IFT80: variants seen among roughly 807,000 people sequenced by gnomAD.
IFT80 encodes the protein intraflagellar transport 80, also known as intraflagellar transport protein 80 homolog.
Under a neutral mutation model 107.9 loss-of-function variants are expected in IFT80, and 79 were observed. That is an observed-to-expected ratio of 0.73 (90% CI 0.61 to 0.88). IFT80 has a LOEUF of 0.88. IFT80 is among the 40% of genes least tolerant of loss of function. IFT80 has a pLI of 0.00. For synonymous variants in IFT80, 299 were observed against 300.9 expected (o/e 0.99, Z 0.07); for missense variants, 797 against 914.2 (o/e 0.87, Z 1.65).
intron 13 of IFT80, among the ~76,000 whole-genome samples, chr3:160,283,353 CTT>C (rs1441657910): frequency 2.0e-5 from 3 of 152,168 alleles, no homozygotes; most frequent in Non-Finnish European, 2.9e-5. Flanking sequence ...TGTCTGAAGA[CTT>C]TGGTAGGAAT....
chr3:160,348,855 T>C (rs1434636493), intron 8 of IFT80, among the ~76,000 whole-genome samples: 1 of 152,186 alleles, frequency 6.6e-6, no homozygotes, highest in African/African-American at 2.4e-5. Context: ...TTCATTTATA[T>C]GAAATGTCCA....
intron 9 of IFT80, among the ~76,000 whole-genome samples, chr3:160,309,592 C>T (rs1358582336): frequency 1.3e-5 from 2 of 151,964 alleles, no homozygotes; most frequent in Non-Finnish European, 1.5e-5. Flanking sequence ...GAGGCTGAGG[C>T]AGGAGAATGG....
At chr3:160,294,645 T>C (rs1351046197) in intron 12 of IFT80, among the ~76,000 whole-genome samples, 1 of 152,226 alleles carries the variant, frequency 6.6e-6, no homozygotes, top group Non-Finnish European at 1.5e-5. Context: ...AATACGGTGT[T>C]ACAAATTTGT....
At chr3:160,320,767 A>G (rs1042376954) in intron 8 of IFT80, among the ~76,000 whole-genome samples, 1 of 151,648 alleles carries the variant, frequency 6.6e-6, no homozygotes, top group Non-Finnish European at 1.5e-5. Context: ...ATATATACAT[A>G]TATATATTTT....
chr3:160,364,933 A>C (rs940204267), intron 6 of IFT80, among the ~76,000 whole-genome samples: 1 of 151,916 alleles, frequency 6.6e-6, no homozygotes, highest in Non-Finnish European at 1.5e-5. Context: ...GCAAACCTAC[A>C]TGGCACATGT....
chr3:160,338,191 T>C (rs1719635445), intron 8 of IFT80, among the ~76,000 whole-genome samples: 2 of 152,116 alleles, frequency 1.3e-5, no homozygotes, highest in Admixed American at 6.6e-5. Flanking sequence ...AACTCAAATA[T>C]GAAGATAAGA....
At chr3:160,284,945 G>A (rs544858186) in intron 13 of IFT80, among the ~76,000 whole-genome samples, 258 of 152,250 alleles carry the variant, frequency 1.7e-3, no homozygotes, top group Non-Finnish European at 3.2e-3. Context: ...TGGTGGAGAG[G>A]CACTACAGTG....
chr3:160,332,233 C>T (rs1189410253), intron 8 of IFT80, among the ~76,000 whole-genome samples: 1 of 152,112 alleles, frequency 6.6e-6, no homozygotes, highest in Non-Finnish European at 1.5e-5. Flanking sequence ...AACATTCAGA[C>T]TGGAATGGTG....
At chr3:160,270,224 C>T (rs1713691496) in intron 18 of IFT80, among the ~76,000 whole-genome samples, 1 of 152,268 alleles carries the variant, frequency 6.6e-6, no homozygotes, top group Non-Finnish European at 1.5e-5. Context: ...TGGTCTTCAA[C>T]TCCTGACCTC....
intron 5 of IFT80, among the ~76,000 whole-genome samples, chr3:160,372,739 A>G (rs991601785): frequency 1.2e-4 from 19 of 152,242 alleles, no homozygotes; most frequent in Non-Finnish European, 1.3e-4. Flanking sequence ...CAAAAATGAT[A>G]GTCATTTCAA....
chr3:160,373,479 G>A (rs1019784658), intron 5 of IFT80: 1 of 152,542 alleles, frequency 6.6e-6, no homozygotes, highest in Non-Finnish European at 1.5e-5. Flanking sequence ...TGGCAGCAGG[G>A]ACTGGTTTTG....
chr3:160,273,877 G>A (rs1328034555), intron 18 of IFT80, among the ~76,000 whole-genome samples: 1 of 152,126 alleles, frequency 6.6e-6, no homozygotes, highest in African/African-American at 2.4e-5. Flanking sequence ...CCAAACCACT[G>A]GCTTACAATT....
chr3:160,354,051 T>C (rs1720896208), intron 8 of IFT80, among the ~76,000 whole-genome samples: 1 of 152,204 alleles, frequency 6.6e-6, no homozygotes, highest in Non-Finnish European at 1.5e-5. Context: ...ACAGAATTAT[T>C]GAACTATTGG....
chr3:160,349,859 C>CCAGCAGTTACCA (rs1720552122), intron 8 of IFT80, among the ~76,000 whole-genome samples: 2 of 152,044 alleles, frequency 1.3e-5, no homozygotes, highest in South Asian at 4.2e-4. Context: ...TAAGCTGACA[C>CCAGCAGTTACCA]CAGCAGTTAC....
At chr3:160,268,631 C>T (rs1315051802) in intron 18 of IFT80, 95 bp from the exon 19 acceptor site, 3 of 1,178,392 alleles carry the variant, frequency 2.5e-6, no homozygotes, top group Non-Finnish European at 3.8e-6. Context: ...AATGGCTCTT[C>T]CCTCTGTTTA....
chr3:160,267,635 C>T (rs546150194), intron 19 of IFT80, among the ~76,000 whole-genome samples: 1 of 152,306 alleles, frequency 6.6e-6, no homozygotes, highest in East Asian at 1.9e-4. Context: ...AAGAATCTGG[C>T]TAAGTGGCTA....
At chr3:160,335,357 G>A (rs1209226303) in intron 8 of IFT80, among the ~76,000 whole-genome samples, 1 of 151,780 alleles carries the variant, frequency 6.6e-6, no homozygotes, top group Non-Finnish European at 1.5e-5. Context: ...GAGTAGCTGG[G>A]ACTACAGGCA....
chr3:160,291,048 A>G (rs1450199255), intron 12 of IFT80, among the ~76,000 whole-genome samples: 5 of 152,252 alleles, frequency 3.3e-5, no homozygotes, highest in Non-Finnish European at 5.9e-5. Context: ...CTAGTTCAAC[A>G]GGCCTTTAAT....
intron 1 of IFT80, among the ~76,000 whole-genome samples, chr3:160,391,322 A>G (rs959554758): frequency 2.0e-5 from 3 of 152,304 alleles, no homozygotes; most frequent in Admixed American, 6.5e-5. Flanking sequence ...CTAAGTTCAC[A>G]TTGCCTAATT....
Sources: allele counts gnomAD v4.1 joint callset (sites outside exome capture counted in the v4.1 genomes callset), GRCh38; gene constraint gnomAD v4.1.1; transcripts MANE v1.5; gene names NCBI Gene and HGNC (gene_info 2026-07-23, HGNC 2026-07-21).